The following NPC1 variants were observed in gnomAD, a reference collection of about 807,000 sequenced individuals.
NPC1 encodes the protein NPC intracellular cholesterol transporter 1.
In NPC1, 85 loss-of-function variants were observed where a neutral mutation model predicts 140.4. The ratio of observed to expected loss-of-function variants is 0.61; its 90% CI spans 0.51 to 0.72. The LOEUF (loss-of-function observed/expected upper bound fraction) is 0.72, where lower values mean the gene tolerates loss of function less well. NPC1 is among the 30% of genes least tolerant of loss of function. NPC1 has a pLI of 0.00. For missense variants in NPC1, 1,504 were observed against 1,623.8 expected, an observed-to-expected ratio of 0.93 and a Z score of 1.27; for synonymous variants, 656 against 624.8, an observed-to-expected ratio of 1.05 and a Z score of -0.74.
At chr18:23,568,002 G>T (rs1047991773) in intron 4 of NPC1, among the ~76,000 whole-genome samples, 1 of 152,024 alleles carries the variant, frequency 6.6e-6, no homozygotes, top group Non-Finnish European at 1.5e-5. Context: ...CTCCTGTCTA[G>T]AAATCTTTCC....
At chr18:23,514,685 G>A (rs1203931971) in intron 3 of NPC1, among the ~76,000 whole-genome samples, 1 of 152,204 alleles carries the variant, frequency 6.6e-6, no homozygotes, top group African/African-American at 2.4e-5. Flanking sequence ...TTCTGGGGGA[G>A]TTCCCTATGG....
downstream of NPC1, chr18:23,529,691 C>T (rs373654910): frequency 5.7e-5 from 92 of 1,613,880 alleles, no homozygotes; most frequent in Non-Finnish European, 7.6e-5. Flanking sequence ...GTTCTCTTAA[C>T]CAGTTTCAGA....
At chr18:23,516,043 C>A (rs182715039) in intron 3 of NPC1, 2 of 1,612,498 alleles carry the variant, frequency 1.2e-6, no homozygotes, top group African/African-American at 2.7e-5. Flanking sequence ...CCAGTTGTCC[C>A]CTGTTCCTGT....
chr18:23,579,590 T>TA (rs966720762), intron 1 of NPC1, among the ~76,000 whole-genome samples: 11 of 151,638 alleles, frequency 7.3e-5, no homozygotes, highest in South Asian at 2.1e-4. Flanking sequence ...CAGGAAAGGT[T>TA]AAAAAAAAGC....
Position 23,532,115 on chromosome 18 carries a change from C to T in NPC1, c.*87G>A. 10 of 1,613,846 alleles carry T rather than the reference C, an allele frequency of 6.2e-6. No individual in the cohort carries two copies. In the South Asian group the frequency reaches 7.7e-5, roughly 12 times the overall value. On this transcript the variant is annotated 3_prime_UTR_variant, in exon 25 of 25. Transcript: ENST00000269228. Reference sequence around the variant, plus strand: ...CCGATGGTTGGCACCATCCGGTGTTCAACTTGGCCTTGCCGATGCAGCACC... The same window carrying T: ...CCGATGGTTGGCACCATCCGGTGTTTAACTTGGCCTTGCCGATGCAGCACC...
rs1259715051 is a variant in NPC1, at chr18:23,541,335, G to T, written c.2344C>A (p.Leu782Ile). 1 of 1,614,176 alleles carries T rather than the reference G, an allele frequency of 6.2e-7. No homozygotes were observed. Among genetic ancestry groups the T allele is most frequent in the Non-Finnish European group, 8.5e-7 (1 of 1,180,046 alleles). Reference sequence around the variant, plus strand: ...TGACGTTTAATGTCTAACCCCAAGAGACTCACGAAACAGGTAATCTGCAGA... The same window carrying T: ...TGACGTTTAATGTCTAACCCCAAGATACTCACGAAACAGGTAATCTGCAGA... The part of the protein sequence containing the change: ...FLLQITCFVS[L>I]LGLDIKRQEK... The change falls in exon 15 of 25, where the codon CTC (leucine) becomes ATC (isoleucine). Residue 782 changes from leucine (L) to isoleucine (I), a missense_variant. By Grantham distance (5) the Leu-to-Ile change is conservative (BLOSUM62 2). Transcript: ENST00000269228.
At chr18:23,530,653 A>G (rs1567937917), downstream of NPC1, 1 of 1,585,588 alleles carries the variant, frequency 6.3e-7, no homozygotes. Flanking sequence ...CCATAGCCTC[A>G]AAGAGTAGCA....
intron 3 of NPC1, chr18:23,507,101 A>G: frequency 7.4e-7 from 1 of 1,344,040 alleles, no homozygotes; most frequent in Non-Finnish European, 1.0e-6. Flanking sequence ...TTAGAAATAC[A>G]TTTGGAAGAG....
At chr18:23,562,770 A>T (rs1652349) in intron 4 of NPC1, among the ~76,000 whole-genome samples, 113,754 of 151,816 alleles carry the variant, frequency 0.75, 43,764 homozygotes, top group East Asian at 0.93. Flanking sequence ...GTGGACTGCC[A>T]GAGCTCAGGA....
intron 3 of NPC1, chr18:23,507,206 A>C (rs546004635): frequency 2.2e-6 from 1 of 455,476 alleles, no homozygotes; most frequent in Non-Finnish European, 3.9e-6. Flanking sequence ...GCCTTCAAAA[A>C]CGAAAAAGAC....
rs2058711076 is a variant in NPC1 at position 23,541,348 on chromosome 18, G to C, written c.2331C>G (p.Thr777=). The C allele has an allele frequency of 1.2e-6, 2 of 1,614,098 alleles. No homozygotes were observed. The highest frequency in any genetic ancestry group is 2.7e-5 in the African/African-American group (2 of 74,932). The change falls in exon 15 of 25, where the codon ACC becomes ACG. Residue 777 remains threonine, a synonymous_variant. Coordinates refer to ENST00000269228, the MANE Select transcript of NPC1 (RefSeq NM_000271.5). ...AVFIDFLLQI[T]CFVSLLGLDI... is the part of the protein sequence containing the mutation. ...CTAACCCCAAGAGACTCACGAAACA[G>C]GTAATCTGCAGAAGAAAGTCAATGA... is the stretch of plus-strand genomic sequence containing the variant.
Position 23,572,160 on chromosome 18 carries a change from G to T in NPC1, c.201C>A (p.Phe67Leu). 6.2e-7 allele frequency: 1 copy of T among 1,613,080 alleles called. No individual in the cohort carries two copies. Among genetic ancestry groups the T allele is most frequent in the South Asian group, 1.1e-5 (1 of 91,064 alleles). ...CACAACAGAGACTGACATTGCCAAA[G>T]AAGAATCCTGGACAGAGTTCCTTTC... ...DLVQELCPGF[F>L]FGNVSLCCDV... The change falls in exon 3 of 25, where the codon TTC becomes TTA. Residue 67 changes from phenylalanine to leucine, a missense_variant. Physicochemically the swap from Phe to Leu is conservative, Grantham distance 22 (BLOSUM62 0). Coordinates refer to ENST00000269228, the MANE Select transcript of NPC1 (RefSeq NM_000271.5).
chr18:23,531,976 G>T lies in NPC1; in HGVS notation c.*226C>A, dbSNP rs1598927381. Reference sequence around the variant, plus strand: ...AGAATGAGGTTTCTTTCCTGAAGAGGCTGGGAGAAGTTTAGTGTCCTGTGG... The same window carrying T: ...AGAATGAGGTTTCTTTCCTGAAGAGTCTGGGAGAAGTTTAGTGTCCTGTGG... On this transcript the variant is annotated 3_prime_UTR_variant, in exon 25 of 25. Coordinates refer to ENST00000269228, the MANE Select transcript of NPC1 (RefSeq NM_000271.5). 3 of 1,454,734 alleles carry T rather than the reference G, an allele frequency of 2.1e-6. No individual in the cohort carries two copies. In the South Asian group the frequency reaches 4.4e-5, roughly 21 times the overall value. The allele number at this position is 1,454,734 out of a possible 1,614,324, so 90.1% of individuals were successfully genotyped here.
At chr18:23,547,338 T>C (rs1443686962) in intron 11 of NPC1, among the ~76,000 whole-genome samples, 2 of 152,200 alleles carry the variant, frequency 1.3e-5, no homozygotes, top group East Asian at 3.8e-4. Flanking sequence ...TTTATACAAA[T>C]ATACATCATG....
chr18:23,529,957 T>C, downstream of NPC1: 1 of 1,397,936 alleles, frequency 7.2e-7, no homozygotes, highest in Non-Finnish European at 1.0e-6. Context: ...TAGCCAGTCC[T>C]TGGGGAGCCT....
chr18:23,507,774 C>T (rs2057751455), intron 3 of NPC1, among the ~76,000 whole-genome samples: 1 of 152,108 alleles, frequency 6.6e-6, no homozygotes, highest in African/African-American at 2.4e-5. Context: ...TTTGTATTAA[C>T]TTAAAAAAAA....
rs560935315 is a variant in NPC1 at position 23,543,351 on chromosome 18, A to C, written c.2245+104T>G. ...CTCAGAGAAAAAAAAAAAAAAGAAA[A>C]AAAAAAAAAGGAAGCAACACAAAGG... is the stretch of plus-strand genomic sequence containing the variant. On this transcript the variant is annotated intron_variant, in intron 14 of 24. Transcript: ENST00000269228. The C allele has an allele frequency of 1.9e-4, 137 of 721,430 alleles. 1 individual carries two copies. The East Asian group carries it at 3.0e-3, about 16-fold the overall frequency. The allele number at this position is 721,430 out of a possible 1,614,324, so 44.7% of individuals were successfully genotyped here. A position where few individuals can be genotyped will look rare whatever the true frequency, so the allele number is the denominator to read the frequency against.
chr18:23,544,325 T>C lies in NPC1; in HGVS notation c.2130+19A>G. On this transcript the variant is annotated intron_variant, in intron 13 of 24. Transcript: ENST00000269228. ...AAACTTGAACAGATGCTGAGCCCTG[T>C]GAGAATATGGAAGTATACCTGGTAG... 6.2e-7 allele frequency: 1 copy of C among 1,608,040 alleles called. No individual in the cohort carries two copies.
chr18:23,584,976 G>C (rs1464635849), intron 1 of NPC1, among the ~76,000 whole-genome samples: 1 of 152,186 alleles, frequency 6.6e-6, no homozygotes, highest in Admixed American at 6.5e-5. Flanking sequence ...GAGGCCAGGA[G>C]TTCCAGGCTG....
Sources: gnomAD v4.1 joint callset for allele counts (sites outside exome capture counted in the v4.1 genomes callset) on GRCh38, gnomAD v4.1.1 for gene constraint, MANE v1.5 for transcripts, NCBI Gene and HGNC (gene_info 2026-07-23, HGNC 2026-07-21) for gene names.